ANKHD1: variants seen among roughly 807,000 people sequenced by gnomAD.
ANKHD1 encodes ankyrin repeat and KH domain containing 1, also known as ankyrin repeat and KH domain-containing protein 1.
A neutral mutation model predicts 230.5 loss-of-function variants in ANKHD1; 31 were observed. That is an observed-to-expected ratio of 0.13 (90% CI 0.10 to 0.18). The LOEUF (loss-of-function observed/expected upper bound fraction) is 0.18, where lower values mean the gene tolerates loss of function less well. Ranked by LOEUF, ANKHD1 falls within the 10% of genes least tolerant of loss-of-function variation. The pLI is 1.00. For synonymous variants in ANKHD1, 1,074 were observed against 1,117.6 expected (o/e 0.96, Z 0.78); for missense variants, 2,256 against 3,071.3 (o/e 0.73, Z 6.27).
In ANKHD1 at chr5:140,468,783, C is replaced by T. The variant is rs77026855; in HGVS notation, c.1782+4007C>T. ...GTATAATTTATTAACCATTTATCTA[C>T]GCATAAACACCTGAGTTAATAGTTT... On this transcript the variant is annotated intron_variant, in intron 10 of 33. Transcript: ENST00000360839. Among the ~76,000 whole-genome samples, 1,254 of 152,168 alleles carry T rather than the reference C, an allele frequency of 8.2e-3. 11 individuals are homozygous for T. The highest frequency in any genetic ancestry group is 0.028 in the African/African-American group (1,180 of 41,508).
chr5:140,503,553 C>CTTTTTTTTTTTTTTTTTTTTTTTTT (rs70988767), intron 15 of ANKHD1, among the ~76,000 whole-genome samples: 4 of 51,418 alleles, frequency 7.8e-5, no homozygotes, highest in Non-Finnish European at 9.8e-5. Context: ...AGTTTTCTTT[C>CTTTTTTTTTTTTTTTTTTTTTTTTT]TTTTTTTTTT....
In ANKHD1 at chr5:140,428,885, C is replaced by T. The variant is rs192898394; in HGVS notation, c.307-7219C>T. Among the ~76,000 whole-genome samples, 604 of 151,790 alleles carry T rather than the reference C, an allele frequency of 4.0e-3. 2 individuals carry two copies. The highest frequency in any genetic ancestry group is 6.1e-3 in the Non-Finnish European group (417 of 67,992). On this transcript the variant is annotated intron_variant, in intron 1 of 33. Transcript: ENST00000360839. ...GCAACCTCTGCTGCCTGGGTTCAAG[C>T]GATTCTCGTGTGTCAGCCTCCCGAG...
rs1366366162 is a variant in ANKHD1 at position 140,485,208 on chromosome 5, T to A, written c.1958T>A (p.Leu653His). The A allele has an allele frequency of 6.2e-7, 1 of 1,613,962 alleles. No homozygotes were observed. Among genetic ancestry groups the A allele is most frequent in the South Asian group, 1.1e-5 (1 of 91,080 alleles). The change falls in exon 12 of 34, where the codon CTT becomes CAT. Residue 653 changes from leucine to histidine, a missense_variant. Physicochemically the swap from Leu to His is moderately conservative, Grantham distance 99. Transcript: ENST00000360839. The surrounding 1 kb of genome is among the most constrained non-coding windows in gnomAD (Gnocchi z 4.8). ...CAGGHLAVVELLLAHGADPTH... is the reference protein window; with the variant it reads ...CAGGHLAVVEHLLAHGADPTH... The stretch of plus-strand genomic sequence containing the variant: ...GGAGGCCACCTGGCAGTTGTTGAGC[T>A]TCTCTTGGCTCATGGGGCTGACCCT...
Position 140,526,325 on chromosome 5 carries a change from G to A in ANKHD1, c.4822G>A (p.Gly1608Ser). The change falls in exon 26 of 34, where the codon GGT (glycine) becomes AGT (serine). Residue 1608 changes from glycine (G) to serine (S), a missense_variant. This residue lies in a region of ANKHD1 where 212 missense variants were observed against 257.3 expected (regional missense o/e 0.82). Transcript: ENST00000360839. Reference sequence around the variant, plus strand: ...AGACTGCAACAGTGAGAGTAGCAGTGGTGGTAAAAGCCAAGAGTTAAATTT... The same window carrying A: ...AGACTGCAACAGTGAGAGTAGCAGTAGTGGTAAAAGCCAAGAGTTAAATTT... ...STDCNSESSS[G>S]GKSQELNFVM... The A allele has an allele frequency of 6.2e-7, 1 of 1,614,142 alleles. No homozygotes were observed. The highest frequency in any genetic ancestry group is 8.5e-7 in the Non-Finnish European group (1 of 1,180,010).
chr5:140,533,854 A>G (rs2127097238), intron 29 of ANKHD1, among the ~76,000 whole-genome samples: 1 of 151,964 alleles, frequency 6.6e-6, no homozygotes, highest in Non-Finnish European at 1.5e-5. Context: ...GAAATGATTC[A>G]TTTCCTACTT....
intron 3 of ANKHD1, among the ~76,000 whole-genome samples, 166 bp downstream of exon 3, chr5:140,438,783 A>G (rs777196885): frequency 5.3e-5 from 8 of 152,248 alleles, no homozygotes; most frequent in Non-Finnish European, 1.0e-4. Context: ...GTAGCTATAC[A>G]AATGGATATT....
chr5:140,458,531 C>G (rs6898497), intron 7 of ANKHD1, 94 bp from the exon 8 acceptor site: 1 of 1,332,850 alleles, frequency 7.5e-7, no homozygotes, highest in East Asian at 2.4e-5. Context: ...TTTTTTCTTC[C>G]TTTTTCCAAT....
chr5:140,483,627 T>G (rs1751385675), intron 11 of ANKHD1, among the ~76,000 whole-genome samples: 1 of 152,076 alleles, frequency 6.6e-6, no homozygotes, highest in Non-Finnish European at 1.5e-5. Context: ...ACGGCTAATT[T>G]TGTATTTTTA....
At chr5:140,447,480 T>G (rs1330064376) in intron 6 of ANKHD1, among the ~76,000 whole-genome samples, 1 of 152,168 alleles carries the variant, frequency 6.6e-6, no homozygotes, top group East Asian at 1.9e-4. Context: ...AGTGTTAGGA[T>G]TACAGGTGTA....
chr5:140,449,345 A>C, intron 7 of ANKHD1, 40 bp downstream of exon 7: 1 of 1,596,354 alleles, frequency 6.3e-7, no homozygotes, highest in Non-Finnish European at 8.5e-7. Context: ...TTATGGGAAG[A>C]AAAGGTCGTA....
intron 1 of ANKHD1, among the ~76,000 whole-genome samples, chr5:140,411,559 GCCC>G (rs892346583): frequency 8.2e-6 from 1 of 121,840 alleles, no homozygotes; most frequent in African/African-American, 3.1e-5. Context: ...TCACTCTGTT[GCCC>G]AGGCTGGAGT....
intron 1 of ANKHD1, among the ~76,000 whole-genome samples, chr5:140,413,856 C>T (rs1771136044): frequency 1.3e-5 from 2 of 152,124 alleles, no homozygotes; most frequent in South Asian, 4.1e-4. Flanking sequence ...TCTCAGCTCA[C>T]TGCAACCTCC....
chr5:140,418,269 C>T (rs915413009), intron 1 of ANKHD1, among the ~76,000 whole-genome samples: 5 of 151,666 alleles, frequency 3.3e-5, no homozygotes, highest in Admixed American at 2.0e-4. Context: ...TCAGCCTCCT[C>T]AGTAGCTGGG....
intron 10 of ANKHD1, among the ~76,000 whole-genome samples, chr5:140,466,020 A>G (rs1776057195): frequency 6.6e-6 from 1 of 152,220 alleles, no homozygotes; most frequent in Non-Finnish European, 1.5e-5. Flanking sequence ...CTTATCCTCT[A>G]AATTCTTACC....
At chr5:140,519,572 A>G (rs1016900571) in intron 24 of ANKHD1, among the ~76,000 whole-genome samples, 46 of 152,362 alleles carry the variant, frequency 3.0e-4, no homozygotes, top group African/African-American at 9.9e-4. Context: ...ACTGGTACCA[A>G]AACAGAGATA....
At position 140,487,091 on chromosome 5, in the gene ANKHD1, G is replaced by A. The variant is rs761352300; in HGVS notation, c.2245+31G>A. 4.4e-6 allele frequency: 7 copies of A among 1,591,984 alleles called. No homozygotes were observed. In the South Asian group the frequency reaches 4.5e-5, roughly 10 times the overall value. ...TTATTGAATTATTTTTCTTAAAATG[G>A]GTATTTTTTCACCTAATTGATAAAT... is the stretch of plus-strand genomic sequence containing the variant. On this transcript the variant is annotated intron_variant, in intron 14 of 33. Transcript: ENST00000360839.
At chr5:140,463,830 G>T (rs895907448) in intron 9 of ANKHD1, among the ~76,000 whole-genome samples, 3 of 151,700 alleles carry the variant, frequency 2.0e-5, no homozygotes, top group South Asian at 4.2e-4. Context: ...TAATTTTTTT[G>T]TTTGTTTGTT....
At chr5:140,426,768 A>G (rs1012119436) in intron 1 of ANKHD1, among the ~76,000 whole-genome samples, 2 of 152,190 alleles carry the variant, frequency 1.3e-5, no homozygotes, top group African/African-American at 4.8e-5. Flanking sequence ...CACATCTTGC[A>G]CCGCCCTTAA....
intron 10 of ANKHD1, among the ~76,000 whole-genome samples, chr5:140,479,746 T>TTATA (rs775107488): frequency 4.8e-4 from 69 of 144,784 alleles, no homozygotes; most frequent in Admixed American, 9.1e-4. Flanking sequence ...ATATATATAC[T>TTATA]TATATATATA....
Sources: gnomAD v4.1 joint callset for allele counts (sites outside exome capture counted in the v4.1 genomes callset) on GRCh38, gnomAD v4.1.1 for gene constraint, gnomAD v4.1.1 regional missense constraint, Gnocchi (gnomAD v3.1) non-coding constraint, MANE v1.5 for transcripts, NCBI Gene and HGNC (gene_info 2026-07-23, HGNC 2026-07-21) for gene names.